Variants in LMX1A observed in about 807,000 individuals in gnomAD.
LMX1A encodes the protein LIM homeobox transcription factor 1 alpha.
In LMX1A, 15 loss-of-function variants were observed where a neutral mutation model predicts 49.1. The ratio of observed to expected loss-of-function variants is 0.31; its 90% confidence interval spans 0.20 to 0.47. The LOEUF is 0.47. LMX1A is among the 20% of genes least tolerant of loss of function. The pLI is 1.00. For missense variants in LMX1A, 372 were observed against 475.8 expected, an observed-to-expected ratio of 0.78 and a Z score of 2.03; for synonymous variants, 167 against 185.7, an observed-to-expected ratio of 0.90 and a Z score of 0.82.
In LMX1A at chr1:165,309,686, C is replaced by T. The variant is rs552468620; in HGVS notation, c.263+43390G>A. ...CAATGCAAAAACCACTGGGACCAGACGTTGCTGGATGCTCAAGAAGACCAG... is the reference window on the plus strand; with the variant it reads ...CAATGCAAAAACCACTGGGACCAGATGTTGCTGGATGCTCAAGAAGACCAG... On this transcript the variant is annotated intron_variant, in intron 3 of 8. Transcript: ENST00000342310. Among the ~76,000 whole-genome samples the T allele has an allele frequency of 5.3e-5, 8 of 152,310 alleles. No homozygotes were observed. The East Asian group carries it at 7.7e-4, about 15-fold the overall frequency.
In LMX1A at chr1:165,203,849, G is replaced by C; in HGVS notation, c.*31C>G. 1 of 1,607,730 alleles carries C rather than the reference G, an allele frequency of 6.2e-7. No individual in the cohort carries two copies. The highest frequency in any genetic ancestry group is 8.5e-7 in the Non-Finnish European group (1 of 1,174,570). On this transcript the variant is annotated 3_prime_UTR_variant, in exon 9 of 9. Coordinates refer to ENST00000342310, the MANE Select transcript of LMX1A (RefSeq NM_177398.4). ...TCAAAGAATATGGTTGTTCCATATG[G>C]GAGCCTAGTCACAGAACTCTAGGGG...
intron 3 of LMX1A, among the ~76,000 whole-genome samples, chr1:165,265,954 G>T (rs1417699744): frequency 6.6e-6 from 1 of 152,108 alleles, no homozygotes; most frequent in East Asian, 1.9e-4. Context: ...TAGTGAAAAA[G>T]GTAATCAGGG....
intron 8 of LMX1A, among the ~76,000 whole-genome samples, chr1:165,204,689 T>C (rs1157784559): frequency 1.3e-5 from 2 of 152,224 alleles, no homozygotes; most frequent in East Asian, 3.8e-4. Flanking sequence ...CTGGAGTTTA[T>C]ACAACTTGTC....
At chr1:165,311,576 T>C (rs906264) in intron 3 of LMX1A, among the ~76,000 whole-genome samples, 132,742 of 152,208 alleles carry the variant, frequency 0.87, 57,951 homozygotes, top group Middle Eastern at 0.91. Flanking sequence ...AGGCATACCA[T>C]ACCAAGGGCC....
At chr1:165,310,923 C>G (rs1396326232) in intron 3 of LMX1A, among the ~76,000 whole-genome samples, 1 of 152,200 alleles carries the variant, frequency 6.6e-6, no homozygotes, top group Non-Finnish European at 1.5e-5. Flanking sequence ...ATCCACAGGA[C>G]AATTAAAGAA....
intron 4 of LMX1A, chr1:165,219,038 A>G (rs1405493195): frequency 6.6e-6 from 1 of 152,262 alleles, no homozygotes; most frequent in Non-Finnish European, 1.5e-5. Context: ...TGCTTGGCAC[A>G]AAGTTTGAAC....
At chr1:165,326,132 A>G (rs1655572227) in intron 3 of LMX1A, among the ~76,000 whole-genome samples, 1 of 152,168 alleles carries the variant, frequency 6.6e-6, no homozygotes, top group African/African-American at 2.4e-5. Flanking sequence ...GGCCTCCCAG[A>G]TCTTTCCAAT....
intron 4 of LMX1A, among the ~76,000 whole-genome samples, chr1:165,228,664 C>A (rs530356985): frequency 1.3e-5 from 2 of 152,264 alleles, no homozygotes; most frequent in South Asian, 4.1e-4. Flanking sequence ...TTCCTTGAAC[C>A]TAGCTTTGTA....
At position 165,202,440 on chromosome 1, in the gene LMX1A, T is replaced by C. The variant is rs17402900; in HGVS notation, c.*1440A>G. The stretch of plus-strand genomic sequence containing the variant: ...GAACCTTCTGCCTCTATGAGCGCCA[T>C]GAGGTTCTTTAGAAACAGACCCTCT... On this transcript the variant is annotated 3_prime_UTR_variant, in exon 9 of 9. Transcript: ENST00000342310. The C allele has an allele frequency of 0.21, 32,652 of 152,442 alleles. 4,425 individuals are homozygous for C. Among genetic ancestry groups the C allele is most frequent in the Middle Eastern group, 0.34 (100 of 292 alleles). 9.4% of individuals were successfully genotyped at this position (152,442 alleles called of 1,614,324 possible). A position where few individuals can be genotyped will look rare whatever the true frequency, so the allele number is the denominator to read the frequency against.
intron 3 of LMX1A, among the ~76,000 whole-genome samples, chr1:165,259,414 G>C (rs1436499055): frequency 6.6e-6 from 1 of 152,182 alleles, no homozygotes; most frequent in African/African-American, 2.4e-5. Flanking sequence ...TAGCCAACCA[G>C]AGCCAACAGT....
intron 3 of LMX1A, among the ~76,000 whole-genome samples, chr1:165,264,742 A>C (rs908007664): frequency 2.0e-5 from 3 of 152,018 alleles, no homozygotes; most frequent in Admixed American, 6.6e-5. Context: ...GGAACGCTTT[A>C]GCCCAAGAGT....
At chr1:165,229,900 G>T (rs536607487) in intron 4 of LMX1A, among the ~76,000 whole-genome samples, 1 of 152,180 alleles carries the variant, frequency 6.6e-6, no homozygotes, top group South Asian at 2.1e-4. Context: ...GACTGTTATG[G>T]ACTGAAGGTT....
At chr1:165,249,273 G>A in intron 4 of LMX1A, 135 bp downstream of exon 4, 1 of 626,408 alleles carries the variant, frequency 1.6e-6, no homozygotes, top group East Asian at 2.7e-5. Flanking sequence ...GAAAGTTCCT[G>A]AAATACACAG....
At chr1:165,290,578 A>C (rs1002746434) in intron 3 of LMX1A, among the ~76,000 whole-genome samples, 1 of 152,110 alleles carries the variant, frequency 6.6e-6, no homozygotes, top group Non-Finnish European at 1.5e-5. Context: ...ATCTACAAAG[A>C]TCTTTTGGAC....
intron 3 of LMX1A, among the ~76,000 whole-genome samples, chr1:165,251,303 G>C (rs140863100): frequency 2.0e-5 from 3 of 152,210 alleles, no homozygotes; most frequent in African/African-American, 7.2e-5. Flanking sequence ...GGCTGGTCTT[G>C]AACTCCTGAC....
chr1:165,245,316 C>T (rs73029232), intron 4 of LMX1A, among the ~76,000 whole-genome samples: 2,969 of 152,094 alleles, frequency 0.02, 87 homozygotes, highest in African/African-American at 0.067. Flanking sequence ...CTTCCACCAA[C>T]TGCAATTAAA....
At chr1:165,333,758 G>A (rs916701543) in intron 3 of LMX1A, among the ~76,000 whole-genome samples, 10 of 151,618 alleles carry the variant, frequency 6.6e-5, no homozygotes, top group African/African-American at 1.5e-4. Flanking sequence ...ACACAAACAC[G>A]CACACACACA....
chr1:165,232,877 T>G (rs1055931709), intron 4 of LMX1A, among the ~76,000 whole-genome samples: 1 of 152,184 alleles, frequency 6.6e-6, no homozygotes, highest in African/African-American at 2.4e-5. Context: ...CCCAACCATA[T>G]GAAAAGGGCA....
chr1:165,215,236 G>A (rs1046332953), intron 4 of LMX1A, among the ~76,000 whole-genome samples: 4 of 152,108 alleles, frequency 2.6e-5, no homozygotes, highest in Non-Finnish European at 4.4e-5. Flanking sequence ...GCTTGAATCC[G>A]GGAGGTGGAA....
Sources: allele counts gnomAD v4.1 joint callset (sites outside exome capture counted in the v4.1 genomes callset), GRCh38; gene constraint gnomAD v4.1.1; transcripts MANE v1.5; gene names NCBI Gene and HGNC (gene_info 2026-07-23, HGNC 2026-07-21).